CCDC9: variants seen among roughly 807,000 people sequenced by gnomAD.
CCDC9 encodes coiled-coil domain containing 9.
Under a neutral mutation model 65.6 loss-of-function variants are expected in CCDC9, and 52 were observed. The observed-to-expected ratio is 0.79, with a 90% CI of 0.63 to 1.00. CCDC9 has a LOEUF of 1.00. Among genes scored for constraint, CCDC9 ranks in the 50% least tolerant of loss-of-function variants. The probability of loss-of-function intolerance (pLI) is 0.00; values close to 1 mark genes in which losing one functional copy is unlikely to be tolerated. For missense variants in CCDC9, 834 were observed against 757.2 expected, an observed-to-expected ratio of 1.10 and a Z score of -1.19; for synonymous variants, 332 against 280.3, an observed-to-expected ratio of 1.18 and a Z score of -1.84.
In CCDC9 at chr19:47,271,002, C is replaced by T. The variant is rs963654540; in HGVS notation, c.1086-80C>T. On this transcript the variant is annotated intron_variant, in intron 10 of 11. Coordinates refer to ENST00000221922, the MANE Select transcript of CCDC9 (RefSeq NM_015603.3). ...GCCAGATGCTCTGGGCAGCTCCTCCCTAGGGAGGGTGGAGGCAGGAAGCCC... is the reference window on the plus strand; with the variant it reads ...GCCAGATGCTCTGGGCAGCTCCTCCTTAGGGAGGGTGGAGGCAGGAAGCCC... 1.7e-5 allele frequency: 18 copies of T among 1,089,050 alleles called. No individual in the cohort carries two copies. The African/African-American group carries it at 2.6e-4, about 16-fold the overall frequency. 67.5% of individuals were successfully genotyped at this position (1,089,050 alleles called of 1,614,324 possible). A position where few individuals can be genotyped will look rare whatever the true frequency, so the allele number is the denominator to read the frequency against.
chr19:47,271,993 C>G, downstream of CCDC9: 4 of 1,244,036 alleles, frequency 3.2e-6, no homozygotes, highest in Non-Finnish European at 4.0e-6. Flanking sequence ...CCCTTCAACT[C>G]CCCCTGGGCC....
At chr19:47,266,575 G>A in intron 7 of CCDC9, 36 bp from the exon 8 acceptor site, 1 of 1,484,344 alleles carries the variant, frequency 6.7e-7, no homozygotes, top group Non-Finnish European at 9.0e-7. Context: ...GTAGGGTGCG[G>A]GACATCACCC....
intron 5 of CCDC9, among the ~76,000 whole-genome samples, chr19:47,262,644 G>A (rs1185163202): frequency 6.6e-6 from 1 of 152,112 alleles, no homozygotes; most frequent in Non-Finnish European, 1.5e-5. Flanking sequence ...TATCACTTTT[G>A]GTCATGTCCT....
At chr19:47,274,988 G>C (rs766010553), downstream of CCDC9, 1 of 1,467,662 alleles carries the variant, frequency 6.8e-7, no homozygotes, top group South Asian at 1.3e-5. Flanking sequence ...GCGAGGGCCC[G>C]CGGGGGCGCT....
intron 5 of CCDC9, 108 bp from the exon 6 acceptor site, chr19:47,264,495 A>G: frequency 9.9e-7 from 1 of 1,013,746 alleles, no homozygotes; most frequent in Non-Finnish European, 1.5e-6. Flanking sequence ...AGATGCCAGC[A>G]GGCCAGTCCG....
downstream of CCDC9, chr19:47,273,349 C>T: frequency 1.6e-6 from 2 of 1,231,432 alleles, no homozygotes; most frequent in Non-Finnish European, 2.0e-6. Flanking sequence ...AGCCCCTTCT[C>T]TCCTCAGAGG....
chr19:47,257,261 G>A (rs2059016510), intron 1 of CCDC9, among the ~76,000 whole-genome samples: 1 of 151,788 alleles, frequency 6.6e-6, no homozygotes, highest in Non-Finnish European at 1.5e-5. Context: ...CAGGCCAATC[G>A]GAGGCGGGGC....
In CCDC9 at chr19:47,271,786, C is replaced by G; in HGVS notation, c.*108C>G. The G allele has an allele frequency of 1.4e-6, 2 of 1,454,520 alleles. No individual in the cohort carries two copies. The highest frequency in any genetic ancestry group is 1.8e-6 in the Non-Finnish European group (2 of 1,109,924). The allele number at this position is 1,454,520 out of a possible 1,614,324, so 90.1% of individuals were successfully genotyped here. A position where few individuals can be genotyped will look rare whatever the true frequency, so the allele number is the denominator to read the frequency against. On this transcript the variant is annotated 3_prime_UTR_variant, in exon 12 of 12. Coordinates refer to ENST00000221922, the MANE Select transcript of CCDC9 (RefSeq NM_015603.3). The stretch of plus-strand genomic sequence containing the variant: ...TAGAGGGGTGTGGCTGGTGGGGGAC[C>G]CTTGGGGCTGGGCCCTGGGACCCAG...
At chr19:47,270,344 C>T in intron 8 of CCDC9, 63 bp from the exon 9 acceptor site, 4 of 1,535,184 alleles carry the variant, frequency 2.6e-6, no homozygotes, top group Non-Finnish European at 2.7e-6. Context: ...CCTCTCCCAT[C>T]TTCTTGATCC....
Position 47,270,435 on chromosome 19 carries a change from G to A in CCDC9, c.931G>A (p.Glu311Lys). 1 of 1,614,138 alleles carries A rather than the reference G, an allele frequency of 6.2e-7. No homozygotes were observed. The highest frequency in any genetic ancestry group is 8.5e-7 in the Non-Finnish European group (1 of 1,180,016). The stretch of plus-strand genomic sequence containing the variant: ...CAAGGATGGCCCAGTCCCTGCCCAT[G>A]AACCATCCCACCGCTATGGTGAGTG... ...MFKDGPVPAH[E>K]PSHRYDDQAW... The change falls in exon 9 of 12, where the codon GAA (glutamate) becomes AAA (lysine). Residue 311 changes from glutamate (E) to lysine (K), a missense_variant. By Grantham distance (56) the Glu-to-Lys change is moderately conservative. Transcript: ENST00000221922.
At chr19:47,265,984 CTT>C (rs1158302196) in intron 7 of CCDC9, among the ~76,000 whole-genome samples, 16,253 of 72,292 alleles carry the variant, frequency 0.22, 3,692 homozygotes, top group East Asian at 0.42. Context: ...CCGCTCCTGG[CTT>C]TTTTTTTTTT....
At chr19:47,275,217 C>A, downstream of CCDC9, 1 of 1,528,454 alleles carries the variant, frequency 6.5e-7, no homozygotes, top group Non-Finnish European at 8.8e-7. Context: ...CCTGGGAGTC[C>A]CCGGCGGGCC....
intron 5 of CCDC9, among the ~76,000 whole-genome samples, chr19:47,262,490 G>T (rs4804035): frequency 0.44 from 66,056 of 151,702 alleles, 14,984 homozygotes; most frequent in East Asian, 0.67. Flanking sequence ...ATGCTGCGAT[G>T]ACATGTGTGA....
rs929258300 is a variant in CCDC9, at chr19:47,260,616, C to T, written c.239C>T (p.Ser80Phe). 25 of 1,523,998 alleles carry T rather than the reference C, an allele frequency of 1.6e-5. No homozygotes were observed. The East Asian group carries it at 5.6e-4, about 34-fold the overall frequency. 94.4% of individuals were successfully genotyped at this position (1,523,998 alleles called of 1,614,324 possible). Residue 80 changes from serine (S) to phenylalanine (F), a missense_variant, in exon 5 of 12, where the codon TCT becomes TTT. Physicochemically the swap from Ser to Phe is radical, Grantham distance 155. Transcript: ENST00000221922. Reference sequence around the variant, plus strand: ...AAGAACCTGGGTCCTTCCCGGAGGTCTCCTGGGACCCCTCGGCCCCCAGGG... The same window carrying T: ...AAGAACCTGGGTCCTTCCCGGAGGTTTCCTGGGACCCCTCGGCCCCCAGGG... ...SEKNLGPSRR[S>F]PGTPRPPGAS...
At chr19:47,274,754 GC>G (rs1340262586), downstream of CCDC9, 1 of 322,496 alleles carries the variant, frequency 3.1e-6, no homozygotes, top group Non-Finnish European at 4.7e-6. Context: ...GAGGGGGTGG[GC>G]CTAGGATGCG....
At chr19:47,263,434 T>G (rs2059058775) in intron 5 of CCDC9, among the ~76,000 whole-genome samples, 1 of 152,212 alleles carries the variant, frequency 6.6e-6, no homozygotes, top group South Asian at 2.1e-4. Flanking sequence ...TCCCAGGGGA[T>G]GCGCTGAATT....
At chr19:47,264,499 C>A in intron 5 of CCDC9, 104 bp from the exon 6 acceptor site, 1 of 1,070,070 alleles carries the variant, frequency 9.3e-7, no homozygotes, top group Non-Finnish European at 1.4e-6. Context: ...GCCAGCAGGC[C>A]AGTCCGAGGA....
downstream of CCDC9, among the ~76,000 whole-genome samples, chr19:47,272,623 A>G (rs891931446): frequency 1.3e-4 from 20 of 152,250 alleles, no homozygotes; most frequent in East Asian, 9.7e-4. Context: ...CTCCGTCTCA[A>G]AAAAGGTGGT....
chr19:47,273,311 TG>T, downstream of CCDC9: 1 of 1,128,776 alleles, frequency 8.9e-7, no homozygotes, highest in Non-Finnish European at 1.1e-6. Context: ...GGGGGGGAGG[TG>T]GGAAGACTGC....
Sources: allele counts gnomAD v4.1 joint callset (sites outside exome capture counted in the v4.1 genomes callset), GRCh38; gene constraint gnomAD v4.1.1; transcripts MANE v1.5; gene names NCBI Gene and HGNC (gene_info 2026-07-23, HGNC 2026-07-21).